The following TENM1 variants were observed in gnomAD, a reference collection of about 807,000 sequenced individuals.
TENM1 encodes teneurin-1.
TENM1 carries 35 observed loss-of-function variants against 174.8 expected under a neutral mutation model. That is an observed-to-expected ratio of 0.20 (90% CI 0.15 to 0.27). The LOEUF is 0.27. Among genes scored for constraint, TENM1 ranks in the 10% least tolerant of loss-of-function variants. TENM1 has a pLI of 1.00. For synonymous variants in TENM1, 781 were observed against 798.7 expected, an observed-to-expected ratio of 0.98 and a Z score of 0.37; for missense variants, 1,633 against 2,130.1, an observed-to-expected ratio of 0.77 and a Z score of 4.59.
chrX:125,008,579 C>A, the TENM1 span, among the ~76,000 whole-genome samples: 2 of 112,385 alleles, frequency 1.8e-5, no homozygotes, highest in African/African-American at 6.5e-5. Context: ...ACAAAATATA[C>A]ATTCTTCTCA....
chrX:124,689,481 T>A (rs186118525), intron 5 of TENM1, among the ~76,000 whole-genome samples: 2 of 112,066 alleles, frequency 1.8e-5, no homozygotes, highest in Non-Finnish European at 3.8e-5. Flanking sequence ...GAAAAATGTT[T>A]ACAAAGCAAG....
chrX:124,494,394 A>G (rs1170793984), intron 20 of TENM1, among the ~76,000 whole-genome samples: 1 of 111,872 alleles, frequency 8.9e-6, no homozygotes, highest in Non-Finnish European at 1.9e-5. Context: ...TGTCAGGAAT[A>G]CAGCTGTCAT....
At chrX:124,763,554 T>C (rs2054472463) in intron 3 of TENM1, among the ~76,000 whole-genome samples, 2 of 111,143 alleles carry the variant, frequency 1.8e-5, no homozygotes, top group Non-Finnish European at 3.8e-5. Context: ...ATGAGGTTCT[T>C]TGTGTCTCCA....
chrX:124,471,811 C>T (rs1397488400), intron 22 of TENM1, among the ~76,000 whole-genome samples: 2 of 96,620 alleles, frequency 2.1e-5, no homozygotes, highest in Admixed American at 1.3e-4. Context: ...ATATATATTA[C>T]CCTTACACCC....
intron 23 of TENM1, among the ~76,000 whole-genome samples, chrX:124,451,969 C>A: frequency 8.9e-6 from 1 of 112,082 alleles, no homozygotes; most frequent in Middle Eastern, 4.6e-3. Context: ...TGGGCAAGGA[C>A]TTCATGTCTA....
intron 22 of TENM1, among the ~76,000 whole-genome samples, chrX:124,461,326 T>C (rs112722012): frequency 0.029 from 3,242 of 111,548 alleles, 117 homozygotes; most frequent in African/African-American, 0.1. Flanking sequence ...CTACAAAAAA[T>C]GGAATGAAGG....
intron 8 of TENM1, among the ~76,000 whole-genome samples, chrX:124,650,666 C>T (rs559795047): frequency 4.5e-5 from 5 of 111,611 alleles, no homozygotes; most frequent in South Asian, 7.6e-4. Flanking sequence ...TATAACTCCT[C>T]GACATGCACA....
intron 3 of TENM1, among the ~76,000 whole-genome samples, chrX:124,857,434 G>C (rs1004681030): frequency 8.9e-6 from 1 of 111,830 alleles, no homozygotes; most frequent in Admixed American, 9.5e-5. Context: ...TTTAACTGAT[G>C]TGTTATGACA....
chrX:125,132,925 T>C, the TENM1 span, among the ~76,000 whole-genome samples: 1 of 111,830 alleles, frequency 8.9e-6, no homozygotes, highest in Non-Finnish European at 1.9e-5. Flanking sequence ...GAAGGTAAAA[T>C]ATACCTAACT....
intron 22 of TENM1, among the ~76,000 whole-genome samples, chrX:124,477,792 G>A (rs2046764241): frequency 9.0e-6 from 1 of 110,529 alleles, no homozygotes; most frequent in Admixed American, 9.7e-5. Context: ...TGGGTTTTTC[G>A]GAGTCAGGCA....
intron 4 of TENM1, among the ~76,000 whole-genome samples, chrX:124,735,463 A>C (rs2053649048): frequency 8.9e-6 from 1 of 112,359 alleles, no homozygotes; most frequent in Admixed American, 9.4e-5. Flanking sequence ...GGTATTGGTG[A>C]AAATGTGGAG....
chrX:124,732,207 T>G (rs973315320), intron 4 of TENM1, among the ~76,000 whole-genome samples: 1 of 112,284 alleles, frequency 8.9e-6, no homozygotes, highest in Non-Finnish European at 1.9e-5. Context: ...AAAACGTGGT[T>G]TAGCTTCAGA....
At chrX:125,017,662 C>G in the TENM1 span, among the ~76,000 whole-genome samples, 1 of 110,640 alleles carries the variant, frequency 9.0e-6, no homozygotes, top group Non-Finnish European at 1.9e-5. Flanking sequence ...GAAAATGTGG[C>G]ACATCTACAC....
chrX:124,861,052 A>C (rs961892843), intron 3 of TENM1, among the ~76,000 whole-genome samples: 15 of 112,091 alleles, frequency 1.3e-4, no homozygotes, highest in African/African-American at 4.5e-4. Flanking sequence ...GGCACAAGAT[A>C]AAATTACTTC....
chrX:124,385,964 C>G (rs746444247), exon 29 of TENM1: 2 of 1,210,163 alleles, frequency 1.7e-6, no homozygotes, highest in South Asian at 3.5e-5. Context: ...GGTTTGTAAG[C>G]TGTGACGCAC....
At chrX:124,564,998 A>C (rs2048909476) in intron 12 of TENM1, among the ~76,000 whole-genome samples, 1 of 111,784 alleles carries the variant, frequency 8.9e-6, no homozygotes, top group African/African-American at 3.2e-5. Context: ...AGTGCTTTCA[A>C]CTGAAACAAC....
intron 15 of TENM1, among the ~76,000 whole-genome samples, chrX:124,532,416 C>A (rs150141600): frequency 8.9e-6 from 1 of 111,796 alleles, no homozygotes; most frequent in African/African-American, 3.3e-5. Context: ...GAGTGAAAGT[C>A]TCATAAAAGT....
chrX:124,764,985 A>G (rs914175965), intron 3 of TENM1, among the ~76,000 whole-genome samples: 1 of 110,704 alleles, frequency 9.0e-6, no homozygotes, highest in Non-Finnish European at 1.9e-5. Context: ...GAGGCCCATT[A>G]CCAATGTTAC....
the TENM1 span, among the ~76,000 whole-genome samples, chrX:125,106,001 C>A: frequency 8.9e-6 from 1 of 111,826 alleles, no homozygotes; most frequent in Non-Finnish European, 1.9e-5. Context: ...TCCATAGACC[C>A]GCCCACTCAT....
Sources: gnomAD v4.1 joint callset for allele counts (sites outside exome capture counted in the v4.1 genomes callset) on GRCh38, gnomAD v4.1.1 for gene constraint, MANE v1.5 for transcripts, NCBI Gene and HGNC (gene_info 2026-07-23, HGNC 2026-07-21) for gene names.